Variants in WDR41 observed in about 807,000 individuals in gnomAD.
The protein encoded by WDR41 is WD repeat domain 41.
A neutral mutation model predicts 69.3 loss-of-function variants in WDR41; 63 were observed. The observed-to-expected ratio is 0.91, with a 90% CI of 0.74 to 1.12. The LOEUF (loss-of-function observed/expected upper bound fraction) is 1.12. Among genes scored for constraint, WDR41 ranks in the 50% most tolerant of loss-of-function variants. The probability of loss-of-function intolerance (pLI) is 0.00; values close to 1 mark genes in which losing one functional copy is unlikely to be tolerated. For missense variants in WDR41, 543 were observed against 534.5 expected (o/e 1.02, Z -0.16); for synonymous variants, 185 against 192.1 (o/e 0.96, Z 0.31).
chr5:77,489,608 A>T, intron 1 of WDR41, 36 bp from the exon 2 acceptor site: 1 of 1,277,586 alleles, frequency 7.8e-7, no homozygotes, highest in Non-Finnish European at 1.1e-6. Flanking sequence ...AAAAAACAAA[A>T]GACAAAAAAA....
chr5:77,549,874 A>G (rs1298542968), intron 1 of WDR41, among the ~76,000 whole-genome samples: 1 of 152,202 alleles, frequency 6.6e-6, no homozygotes, highest in Non-Finnish European at 1.5e-5. Context: ...CCAAAACAGC[A>G]TGGTACTAGT....
chr5:77,516,252 T>A (rs1455431517), intron 1 of WDR41, among the ~76,000 whole-genome samples: 1 of 152,234 alleles, frequency 6.6e-6, no homozygotes, highest in South Asian at 2.1e-4. Context: ...ATTTTTCTTA[T>A]GTTTATTATT....
chr5:77,529,461 A>T (rs1802495227), intron 1 of WDR41, among the ~76,000 whole-genome samples: 1 of 151,618 alleles, frequency 6.6e-6, no homozygotes, highest in South Asian at 2.1e-4. Flanking sequence ...AAACTGATAC[A>T]GAGAAACAAT....
Position 77,509,428 on chromosome 5 carries a change from T to C in WDR41, c.43-19856A>G, listed in dbSNP as rs192505056. ...ACAGAAACTTGTACATGTATGTTTA[T>C]AGCAGCACTATTCATCATACTCAAA... On this transcript the variant is annotated intron_variant, in intron 1 of 5. Transcript: ENST00000509971. Among the ~76,000 whole-genome samples, 437 of 152,324 alleles carry C rather than the reference T, an allele frequency of 2.9e-3. 4 individuals carry two copies. The highest frequency in any genetic ancestry group is 0.01 in the African/African-American group (427 of 41,558).
rs189489231 is a variant in WDR41, at chr5:77,556,169, T to A, written c.42+64310A>T. Among the ~76,000 whole-genome samples, 226 of 140,924 alleles carry A rather than the reference T, an allele frequency of 1.6e-3. 3 individuals are homozygous for A. Among genetic ancestry groups the A allele is most frequent in the African/African-American group, 5.8e-3 (217 of 37,408 alleles). 92.5% of individuals were successfully genotyped at this position (140,924 alleles called of 152,430 possible). ...GCCAGGCTGAAGTGCAGTGGTGCGA[T>A]CTCGGCCCGCTGCAACCTCCGACTC... On this transcript the variant is annotated intron_variant, in intron 1 of 5. Transcript: ENST00000509971.
intron 2 of WDR41, among the ~76,000 whole-genome samples, chr5:77,482,963 A>C (rs1801347157): frequency 6.6e-6 from 1 of 151,940 alleles, no homozygotes; most frequent in South Asian, 2.1e-4. Flanking sequence ...ATCACAGATG[A>C]GATGGCACCA....
At chr5:77,513,357 A>G (rs1023092752) in intron 1 of WDR41, among the ~76,000 whole-genome samples, 2 of 152,196 alleles carry the variant, frequency 1.3e-5, no homozygotes, top group Non-Finnish European at 2.9e-5. Flanking sequence ...CATTCACTAG[A>G]TAACTAAATT....
At chr5:77,485,340 T>C (rs940487889) in intron 2 of WDR41, among the ~76,000 whole-genome samples, 1 of 152,202 alleles carries the variant, frequency 6.6e-6, no homozygotes, top group African/African-American at 2.4e-5. Context: ...ATGTTTAGCT[T>C]GAGAATATTT....
At chr5:77,470,349 G>A (rs1197990678) in intron 2 of WDR41, among the ~76,000 whole-genome samples, 2 of 152,056 alleles carry the variant, frequency 1.3e-5, no homozygotes, top group African/African-American at 4.8e-5. Context: ...GACCATCGAG[G>A]CTAGGAAGAA....
At chr5:77,601,469 T>C (rs1299339774) in intron 1 of WDR41, among the ~76,000 whole-genome samples, 4 of 152,176 alleles carry the variant, frequency 2.6e-5, no homozygotes, top group Non-Finnish European at 5.9e-5. Context: ...GCAGAGAAAC[T>C]ATAAATAACA....
At chr5:77,528,830 T>G (rs916496319) in intron 1 of WDR41, among the ~76,000 whole-genome samples, 2 of 151,608 alleles carry the variant, frequency 1.3e-5, no homozygotes, top group African/African-American at 4.8e-5. Context: ...ATTCGATATC[T>G]CATCATTATT....
intron 1 of WDR41, among the ~76,000 whole-genome samples, chr5:77,614,448 A>G (rs1160984031): frequency 6.6e-6 from 1 of 151,084 alleles, no homozygotes; most frequent in Non-Finnish European, 1.5e-5. Flanking sequence ...CATATACACC[A>G]TGGAGTACTA....
intron 5 of WDR41, 87 bp downstream of exon 5, chr5:77,458,974 CA>C: frequency 2.1e-6 from 2 of 950,532 alleles, no homozygotes; most frequent in Non-Finnish European, 3.2e-6. Context: ...ATAAGACCCA[CA>C]AAAGTAATTT....
chr5:77,598,988 C>A (rs898327491), intron 1 of WDR41, among the ~76,000 whole-genome samples: 6 of 151,848 alleles, frequency 4.0e-5, no homozygotes, highest in Non-Finnish European at 8.8e-5. Context: ...AGTCTTTAGA[C>A]CTTTAGGGAT....
At chr5:77,600,514 G>A (rs1179236095) in intron 1 of WDR41, among the ~76,000 whole-genome samples, 1 of 152,160 alleles carries the variant, frequency 6.6e-6, no homozygotes, top group Admixed American at 6.6e-5. Flanking sequence ...GATTGTGGTG[G>A]TAGTTACATG....
At chr5:77,442,971 T>G (rs909674465) in intron 8 of WDR41, among the ~76,000 whole-genome samples, 2 of 147,380 alleles carry the variant, frequency 1.4e-5, no homozygotes, top group African/African-American at 2.5e-5. Context: ...TAATAGAAAA[T>G]GTACAACTGC....
chr5:77,447,980 CCT>C (rs1203061062), intron 8 of WDR41, among the ~76,000 whole-genome samples: 1 of 152,004 alleles, frequency 6.6e-6, no homozygotes, highest in African/African-American at 2.4e-5. Context: ...CCTTTTTTCC[CCT>C]TACGAATTTG....
chr5:77,500,934 C>T (rs906284202), intron 1 of WDR41, among the ~76,000 whole-genome samples: 16 of 152,322 alleles, frequency 1.1e-4, no homozygotes, highest in African/African-American at 3.4e-4. Context: ...GGAGCAGTTC[C>T]GGTCTGCAGC....
chr5:77,548,934 G>A (rs1392386213), intron 1 of WDR41, among the ~76,000 whole-genome samples: 2 of 152,012 alleles, frequency 1.3e-5, no homozygotes, highest in African/African-American at 2.4e-5. Context: ...GTATATATAC[G>A]ATGGAATACT....
Sources: allele counts gnomAD v4.1 joint callset (sites outside exome capture counted in the v4.1 genomes callset), GRCh38; gene constraint gnomAD v4.1.1; transcripts MANE v1.5; gene names NCBI Gene and HGNC (gene_info 2026-07-23, HGNC 2026-07-21).